Variants in PLD2 observed in about 807,000 individuals in gnomAD.
PLD2 encodes the protein choline phosphatase 2.
Under a neutral mutation model 119.8 loss-of-function variants are expected in PLD2, and 101 were observed. The observed-to-expected ratio is 0.84, with a 90% CI of 0.72 to 0.99. The LOEUF (loss-of-function observed/expected upper bound fraction) is 0.99, where lower values mean the gene tolerates loss of function less well. Among genes scored for constraint, PLD2 ranks in the 50% least tolerant of loss-of-function variants. The probability of loss-of-function intolerance (pLI) is 0.00; values close to 1 mark genes in which losing one functional copy is unlikely to be tolerated. For missense variants in PLD2, 1,164 were observed against 1,226.8 expected, an observed-to-expected ratio of 0.95 and a Z score of 0.76; for synonymous variants, 494 against 482.8, an observed-to-expected ratio of 1.02 and a Z score of -0.30.
In PLD2 at chr17:4,814,408, C is replaced by A. The variant is rs373255923; in HGVS notation, c.1011-10C>A. ...ACTCCCCTGACCTCCTTGGCTTGGCCTCCCCCCAGGTTTGTGAATGGGGCA... is the reference window on the plus strand; with the variant it reads ...ACTCCCCTGACCTCCTTGGCTTGGCATCCCCCCAGGTTTGTGAATGGGGCA... On this transcript the variant is annotated splice_polypyrimidine_tract_variant and intron_variant, in intron 10 of 24. Coordinates refer to ENST00000263088, the MANE Select transcript of PLD2 (RefSeq NM_002663.5). 3.1e-6 allele frequency: 5 copies of A among 1,606,258 alleles called. No individual in the cohort carries two copies. The highest frequency in any genetic ancestry group is 4.2e-6 in the Non-Finnish European group (5 of 1,177,122).
chr17:4,821,047 C>T (rs528796287), intron 23 of PLD2, among the ~76,000 whole-genome samples: 111 of 151,662 alleles, frequency 7.3e-4, no homozygotes, highest in South Asian at 1.5e-3. Flanking sequence ...GGATTACAGG[C>T]GCCCGCCACC....
intron 17 of PLD2, 127 bp from the exon 18 acceptor site, chr17:4,817,875 G>A (rs575932898): frequency 2.6e-5 from 16 of 610,000 alleles, no homozygotes; most frequent in South Asian, 1.1e-4. Flanking sequence ...GGAGAATGGC[G>A]TGAACCCAGG....
intron 14 of PLD2, among the ~76,000 whole-genome samples, 160 bp from the exon 15 acceptor site, chr17:4,816,460 G>C (rs1906982138): frequency 6.6e-6 from 1 of 151,410 alleles, no homozygotes; most frequent in Non-Finnish European, 1.5e-5. Flanking sequence ...TCCTCTAAAA[G>C]TGTCAAAGGC....
Position 4,807,722 on chromosome 17 carries a change from G to GC in PLD2, c.-1-49dup, listed in dbSNP as rs928513079. The GC allele has an allele frequency of 9.9e-7, 1 of 1,006,212 alleles. No homozygotes were observed. The highest frequency in any genetic ancestry group is 1.5e-6 in the Non-Finnish European group (1 of 651,640). 62.3% of individuals were successfully genotyped at this position (1,006,212 alleles called of 1,614,324 possible). A position where few individuals can be genotyped will look rare whatever the true frequency, so the allele number is the denominator to read the frequency against. On this transcript the variant is annotated intron_variant, in intron 1 of 24. Coordinates refer to ENST00000263088, the MANE Select transcript of PLD2 (RefSeq NM_002663.5). This position sits in a 1 kb window ranked among gnomAD's most constrained non-coding sequence, Gnocchi z 5.4. ...GGACCTGCGGGAGTTAGGATGGGGG[G>GC]CGGGTTCTGCAGGACAGCTCGCCTC... is the stretch of plus-strand genomic sequence containing the variant.
In PLD2 at chr17:4,815,466, T is replaced by C; in HGVS notation, c.1174-10T>C. ...AGGCACTAGGATCTGATTCCCCAAC[T>C]CACCACCAGGAGGAGGGTGTCCGTG... On this transcript the variant is annotated splice_polypyrimidine_tract_variant and intron_variant, in intron 12 of 24. Coordinates refer to ENST00000263088, the MANE Select transcript of PLD2 (RefSeq NM_002663.5). 2.6e-6 allele frequency: 4 copies of C among 1,555,798 alleles called. No homozygotes were observed. The highest frequency in any genetic ancestry group is 3.6e-6 in the Non-Finnish European group (4 of 1,126,514).
chr17:4,821,759 A>C (rs1424897303), intron 23 of PLD2, 34 bp from the exon 24 acceptor site: 1 of 1,452,446 alleles, frequency 6.9e-7, no homozygotes, highest in Admixed American at 1.7e-5. Context: ...TAAGGATCTT[A>C]ATCTGGCCCT....
In PLD2 at chr17:4,809,161, C is replaced by G; in HGVS notation, c.445C>G (p.Arg149Gly). The change falls in exon 5 of 25, where the codon CGG (arginine) becomes GGG (glycine). Residue 149 changes from arginine to glycine, a missense_variant. Physicochemically the swap from Arg to Gly is moderately radical, Grantham distance 125. Transcript: ENST00000263088. ...CAACAGAGAGATGCCCTCTCTACCC[C>G]GGGCAGGTCCTGAGGGCTCCACCAG... ...AGNREMPSLPRAGPEGSTRHA... is the reference protein window; with the variant it reads ...AGNREMPSLPGAGPEGSTRHA... 6.2e-7 allele frequency: 1 copy of G among 1,614,164 alleles called. No individual in the cohort carries two copies.
chr17:4,814,705 G>C lies in PLD2; in HGVS notation c.1167G>C (p.Arg389Ser), dbSNP rs754491188. Reference sequence around the variant, plus strand: ...GGAGACTGGACATTATGCTCAAGAGGAAGGCGGTGAGGAGAGTGGTCAGGC... The same window carrying C: ...GGAGACTGGACATTATGCTCAAGAGCAAGGCGGTGAGGAGAGTGGTCAGGC... ...DDWRLDIMLK[R>S]KAEEGVRVSI... The change falls in exon 12 of 25, where the codon AGG becomes AGC. Residue 389 changes from arginine (R) to serine (S), a missense_variant. Coordinates refer to ENST00000263088, the MANE Select transcript of PLD2 (RefSeq NM_002663.5). 3 of 1,614,056 alleles carry C rather than the reference G, an allele frequency of 1.9e-6. No homozygotes were observed. The highest frequency in any genetic ancestry group is 2.5e-6 in the Non-Finnish European group (3 of 1,179,992).
In PLD2 at chr17:4,818,403, G is replaced by A; in HGVS notation, c.2009+18G>A. On this transcript the variant is annotated intron_variant, in intron 19 of 24. Coordinates refer to ENST00000263088, the MANE Select transcript of PLD2 (RefSeq NM_002663.5). ...GCCCACAAGTAAGGTGGACTGTCAG[G>A]AAGGTGGGGACTGTGGGTGTGGTTT... The A allele has an allele frequency of 1.2e-6, 2 of 1,613,240 alleles. No individual in the cohort carries two copies. Among genetic ancestry groups the A allele is most frequent in the Non-Finnish European group, 1.7e-6 (2 of 1,179,208 alleles).
In PLD2 at chr17:4,807,493, G is replaced by A. The variant is rs1597317607; in HGVS notation, c.-2+268G>A. The A allele has an allele frequency of 3.2e-6, 1 of 314,742 alleles. No homozygotes were observed. The highest frequency in any genetic ancestry group is 5.6e-5 in the East Asian group (1 of 18,016). 19.5% of individuals were successfully genotyped at this position (314,742 alleles called of 1,614,324 possible). A position where few individuals can be genotyped will look rare whatever the true frequency, so the allele number is the denominator to read the frequency against. ...AGCTGCTGCGCCGCCCCAGGTCGGA[G>A]CCTTCCGGGCCTGGCTGGGTGTTCC... On this transcript the variant is annotated intron_variant, in intron 1 of 24. Coordinates refer to ENST00000263088, the MANE Select transcript of PLD2 (RefSeq NM_002663.5). The surrounding 1 kb of genome is among the most constrained non-coding windows in gnomAD (Gnocchi z 5.4).
intron 14 of PLD2, 65 bp downstream of exon 14, chr17:4,815,999 C>T (rs11658287): frequency 0.07 from 82,709 of 1,181,268 alleles, 3,784 homozygotes; most frequent in East Asian, 0.24. Context: ...CACCATTTCC[C>T]AGCTCCAGCC....
intron 14 of PLD2, among the ~76,000 whole-genome samples, chr17:4,816,277 GGAGGCT>G (rs1906963605): frequency 6.6e-6 from 1 of 151,966 alleles, no homozygotes; most frequent in Non-Finnish European, 1.5e-5. Flanking sequence ...AAGCTACTCG[GGAGGCT>G]GAGGCAGGAG....
At position 4,809,356 on chromosome 17, in the gene PLD2, A is replaced by G; in HGVS notation, c.548A>G (p.His183Arg). The G allele has an allele frequency of 3.1e-6, 5 of 1,613,814 alleles. No homozygotes were observed. Among genetic ancestry groups the G allele is most frequent in the Non-Finnish European group, 3.4e-6 (4 of 1,179,724 alleles). Residue 183 changes from histidine to arginine, a missense_variant, in exon 6 of 25, where the codon CAT becomes CGT. Coordinates refer to ENST00000263088, the MANE Select transcript of PLD2 (RefSeq NM_002663.5). ...LLTMSFYRNY[H>R]AMTEFLEVSQ... ...ACCATGTCTTTCTATCGCAACTACC[A>G]TGCCATGGTAAGGTCCAGGGGCCGA...
chr17:4,814,573 G>T (rs1005376207), intron 11 of PLD2, 60 bp from the exon 12 acceptor site: 4 of 1,613,054 alleles, frequency 2.5e-6, no homozygotes, highest in Non-Finnish European at 3.4e-6. Context: ...GGAGGAGAAG[G>T]GGGGTGCAGC....
intron 9 of PLD2, 43 bp downstream of exon 9, chr17:4,810,072 C>A: frequency 6.3e-7 from 1 of 1,597,364 alleles, no homozygotes; most frequent in Non-Finnish European, 8.5e-7. Context: ...GAGTGGTGAG[C>A]CCACCCACGG....
chr17:4,820,028 C>A (rs540854205), intron 23 of PLD2, among the ~76,000 whole-genome samples: 1 of 151,796 alleles, frequency 6.6e-6, no homozygotes. Context: ...CTCACTGCAA[C>A]CTCTGCCCTG....
chr17:4,812,295 GTT>G (rs560349965), intron 10 of PLD2, among the ~76,000 whole-genome samples: 9 of 118,586 alleles, frequency 7.6e-5, no homozygotes, highest in Non-Finnish European at 6.7e-5. Flanking sequence ...TTTTGTTTTG[GTT>G]TTTTTTTTTT....
rs1161479279 is a variant in PLD2, at chr17:4,818,403, GA to G, written c.2009+20del. The G allele has an allele frequency of 6.2e-6, 10 of 1,613,122 alleles. No homozygotes were observed. In the Admixed American group the frequency reaches 1.7e-4, roughly 27 times the overall value. On this transcript the variant is annotated intron_variant, in intron 19 of 24. Transcript: ENST00000263088. ...GCCCACAAGTAAGGTGGACTGTCAG[GA>G]AGGTGGGGACTGTGGGTGTGGTTTG...
chr17:4,822,937 A>C lies in PLD2; in HGVS notation c.*73A>C. On this transcript the variant is annotated 3_prime_UTR_variant, in exon 25 of 25. Transcript: ENST00000263088. ...GTCTGGCTCCCTGCCCCTTAACCCC[A>C]AGGACTGAGGGCAGTGCCCTTTGAG... 3.7e-6 allele frequency: 3 copies of C among 816,024 alleles called. No individual in the cohort carries two copies. The highest frequency in any genetic ancestry group is 6.1e-6 in the Non-Finnish European group (3 of 494,792). The allele number at this position is 816,024 out of a possible 1,614,324, so 50.5% of individuals were successfully genotyped here. A position where few individuals can be genotyped will look rare whatever the true frequency, so the allele number is the denominator to read the frequency against.
Sources: gnomAD v4.1 joint callset for allele counts (sites outside exome capture counted in the v4.1 genomes callset) on GRCh38, gnomAD v4.1.1 for gene constraint, Gnocchi (gnomAD v3.1) non-coding constraint, MANE v1.5 for transcripts, NCBI Gene and HGNC (gene_info 2026-07-23, HGNC 2026-07-21) for gene names.